CERS6: variants seen among roughly 807,000 people sequenced by gnomAD.
The protein encoded by CERS6 is ceramide synthase 6.
A neutral mutation model predicts 56.8 loss-of-function variants in CERS6; 26 were observed. The ratio of observed to expected loss-of-function variants is 0.46; its 90% CI spans 0.34 to 0.63. The LOEUF is 0.63. CERS6 is among the 30% of genes least tolerant of loss of function. CERS6 has a pLI of 0.01. For missense variants in CERS6, 415 were observed against 467.5 expected, an observed-to-expected ratio of 0.89 and a Z score of 1.04; for synonymous variants, 164 against 173.3, an observed-to-expected ratio of 0.95 and a Z score of 0.42.
At chr2:168,645,183 A>AGAGAGT (rs1685165565) in intron 4 of CERS6, among the ~76,000 whole-genome samples, 2 of 115,366 alleles carry the variant, frequency 1.7e-5, no homozygotes, top group Non-Finnish European at 3.4e-5. Flanking sequence ...AGAGAGAGAG[A>AGAGAGT]GAGAGAGTAA....
chr2:168,759,325 T>C (rs1042635409), intron 8 of CERS6, among the ~76,000 whole-genome samples: 1 of 152,204 alleles, frequency 6.6e-6, no homozygotes, highest in Admixed American at 6.5e-5. Context: ...TCAAGTGTTT[T>C]CTGTACTGGG....
At chr2:168,588,065 C>T (rs1346499640) in intron 3 of CERS6, among the ~76,000 whole-genome samples, 1 of 146,966 alleles carries the variant, frequency 6.8e-6, no homozygotes, top group Non-Finnish European at 1.5e-5. Context: ...AGATGTATGC[C>T]ACCATACCTG....
At chr2:168,564,741 A>G (rs1695853915) in intron 3 of CERS6, among the ~76,000 whole-genome samples, 1 of 152,146 alleles carries the variant, frequency 6.6e-6, no homozygotes, top group Non-Finnish European at 1.5e-5. Context: ...CCCTCTCTGA[A>G]GTGTGGCCTG....
chr2:168,682,310 C>T (rs895235696), intron 4 of CERS6, among the ~76,000 whole-genome samples: 2 of 151,902 alleles, frequency 1.3e-5, no homozygotes, highest in Admixed American at 6.6e-5. Flanking sequence ...AATATATGAA[C>T]ATAAGAAAAA....
At chr2:168,554,975 G>A (rs778149175) in intron 2 of CERS6, among the ~76,000 whole-genome samples, 9 of 152,006 alleles carry the variant, frequency 5.9e-5, no homozygotes, top group African/African-American at 1.9e-4. Flanking sequence ...AAACACAATA[G>A]AAAGAAATTC....
intron 8 of CERS6, among the ~76,000 whole-genome samples, chr2:168,750,827 CAAAT>C (rs1684244954): frequency 6.6e-6 from 1 of 152,124 alleles, no homozygotes; most frequent in African/African-American, 2.4e-5. Flanking sequence ...CATTATCAGC[CAAAT>C]AGAGTGTGCC....
At chr2:168,511,048 C>G (rs1372387638) in intron 1 of CERS6, among the ~76,000 whole-genome samples, 1 of 152,122 alleles carries the variant, frequency 6.6e-6, no homozygotes, top group Non-Finnish European at 1.5e-5. Flanking sequence ...TCCACAGATT[C>G]AGAATGCTAA....
chr2:168,488,939 A>G (rs1694320904), intron 1 of CERS6, among the ~76,000 whole-genome samples: 1 of 152,200 alleles, frequency 6.6e-6, no homozygotes, highest in African/African-American at 2.4e-5. Context: ...CAGCAATCAT[A>G]TAAATTTTAA....
intron 1 of CERS6, among the ~76,000 whole-genome samples, chr2:168,484,195 T>C: frequency 7.8e-6 from 1 of 128,644 alleles, no homozygotes; most frequent in Non-Finnish European, 1.6e-5. Context: ...TTTTTTTTTT[T>C]TTTGAGACGG....
chr2:168,596,568 T>TC (rs1299678359), intron 3 of CERS6, among the ~76,000 whole-genome samples: 1 of 144,382 alleles, frequency 6.9e-6, no homozygotes, highest in Non-Finnish European at 1.5e-5. Flanking sequence ...TTTTTTTTTT[T>TC]TTTGAGACTG....
chr2:168,675,292 TAAC>T (rs1444430063), intron 4 of CERS6, among the ~76,000 whole-genome samples: 5 of 151,248 alleles, frequency 3.3e-5, no homozygotes, highest in African/African-American at 1.2e-4. Flanking sequence ...TATTTAAAAA[TAAC>T]AACAATAGGC....
chr2:168,583,520 C>T (rs975341), intron 3 of CERS6, among the ~76,000 whole-genome samples: 2,868 of 152,268 alleles, frequency 0.019, 130 homozygotes, highest in East Asian at 0.18. Context: ...GCAGTTTAAC[C>T]ACATGCTATG....
At chr2:168,703,582 G>C (rs922933014) in intron 6 of CERS6, among the ~76,000 whole-genome samples, 4 of 151,866 alleles carry the variant, frequency 2.6e-5, no homozygotes, top group African/African-American at 9.7e-5. Flanking sequence ...CAAAAAAAAA[G>C]TGACTCCCAG....
intron 7 of CERS6, 129 bp from the exon 8 acceptor site, chr2:168,717,743 A>T: frequency 1.7e-6 from 1 of 598,208 alleles, no homozygotes; most frequent in Non-Finnish European, 2.9e-6. Context: ...CGCAGGCTGA[A>T]ATGCATAAAA....
intron 4 of CERS6, among the ~76,000 whole-genome samples, chr2:168,639,341 C>T (rs559639398): frequency 1.3e-5 from 2 of 152,268 alleles, no homozygotes; most frequent in East Asian, 3.9e-4. Context: ...AAGTATTGAT[C>T]CATGTATCAA....
intron 1 of CERS6, among the ~76,000 whole-genome samples, chr2:168,498,294 C>T (rs1443781518): frequency 6.6e-6 from 1 of 152,150 alleles, no homozygotes; most frequent in Non-Finnish European, 1.5e-5. Context: ...TATTCTCTTT[C>T]TCCTGAATCC....
At chr2:168,699,910 G>A (rs553189655) in intron 6 of CERS6, among the ~76,000 whole-genome samples, 25 of 152,288 alleles carry the variant, frequency 1.6e-4, no homozygotes, top group Admixed American at 7.2e-4. Context: ...ATATTTTTGC[G>A]TTGGAGCTCA....
chr2:168,534,437 TGTC>T (rs913997779), intron 1 of CERS6, among the ~76,000 whole-genome samples: 11 of 151,566 alleles, frequency 7.3e-5, no homozygotes, highest in African/African-American at 2.7e-4. Flanking sequence ...TTGATGCTGT[TGTC>T]GTTGCTTTCT....
intron 1 of CERS6, among the ~76,000 whole-genome samples, chr2:168,531,660 A>G (rs1175529940): frequency 6.6e-6 from 1 of 152,116 alleles, no homozygotes; most frequent in Non-Finnish European, 1.5e-5. Flanking sequence ...CGTCTCTACT[A>G]AAAATACAAA....
Sources: gnomAD v4.1 joint callset for allele counts (sites outside exome capture counted in the v4.1 genomes callset) on GRCh38, gnomAD v4.1.1 for gene constraint, MANE v1.5 for transcripts, NCBI Gene and HGNC (gene_info 2026-07-23, HGNC 2026-07-21) for gene names.